The following SMIM24 variants were observed in gnomAD, a reference collection of about 807,000 sequenced individuals.
The protein encoded by SMIM24 is small integral membrane protein 24, also known as MAP17-related dimer.
A neutral mutation model predicts 10.8 loss-of-function variants in SMIM24; 6 were observed. That is an observed-to-expected ratio of 0.55 (90% CI 0.30 to 1.09). SMIM24 has a LOEUF of 1.09. Among genes scored for constraint, SMIM24 ranks in the 50% least tolerant of loss-of-function variants. The pLI, the probability that SMIM24 is intolerant of heterozygous loss-of-function variation, is 0.06. For missense variants in SMIM24, 151 were observed against 153.4 expected (o/e 0.98, Z 0.08); for synonymous variants, 71 against 62.4 (o/e 1.14, Z -0.65).
In SMIM24 at chr19:3,474,621, A is replaced by G; in HGVS notation, c.*222T>C. The G allele has an allele frequency of 1.8e-6, 1 of 553,794 alleles. No homozygotes were observed. The highest frequency in any genetic ancestry group is 2.9e-5 in the East Asian group (1 of 34,178). 34.3% of individuals were successfully genotyped at this position (553,794 alleles called of 1,614,324 possible). On this transcript the variant is annotated 3_prime_UTR_variant, in exon 4 of 4. Transcript: ENST00000215531. ...CTCTCCGAGTATAAGAAGAATCACC[A>G]GGCAGGGACCAAGCTCAGGAAGAGG...
At chr19:3,476,732 C>T (rs1428022260) in intron 3 of SMIM24, among the ~76,000 whole-genome samples, 1 of 151,428 alleles carries the variant, frequency 6.6e-6, no homozygotes, top group African/African-American at 2.4e-5. Context: ...GACAGAGCCC[C>T]CAGCCCTGGA....
rs368622373 is a variant in SMIM24, at chr19:3,477,582, ATGGATGGGTGAGTGGG to A, written c.239+821_239+836del. 8.1e-3 allele frequency among the ~76,000 whole-genome samples: 915 copies of A among 113,604 alleles called. 13 individuals are homozygous for A. The highest frequency in any genetic ancestry group is 0.029 in the African/African-American group (822 of 28,508). 74.5% of individuals were successfully genotyped at this position (113,604 alleles called of 152,430 possible). The stretch of plus-strand genomic sequence containing the variant: ...GGATGGGTGAGTGGGTGAATGGGTG[ATGGATGGGTGAGTGGG>A]TGGATGGGTGAGTGGGTGGATAGGT... On this transcript the variant is annotated intron_variant, in intron 3 of 3. Coordinates refer to ENST00000215531, the MANE Select transcript of SMIM24 (RefSeq NM_001136503.2).
intron 3 of SMIM24, among the ~76,000 whole-genome samples, chr19:3,476,322 A>C (rs1470095532): frequency 6.6e-6 from 1 of 151,874 alleles, no homozygotes; most frequent in Non-Finnish European, 1.5e-5. Flanking sequence ...TGAAGACTGC[A>C]TAGTTCGATG....
At chr19:3,477,277 T>C (rs2082796943) in intron 3 of SMIM24, among the ~76,000 whole-genome samples, 1 of 107,204 alleles carries the variant, frequency 9.3e-6, no homozygotes, top group Non-Finnish European at 1.8e-5. Context: ...AGTGGATGGA[T>C]GGATGGATGG....
intron 1 of SMIM24, among the ~76,000 whole-genome samples, chr19:3,479,699 G>C (rs1412482576): frequency 4.9e-5 from 7 of 142,860 alleles, no homozygotes; most frequent in Non-Finnish European, 7.6e-5. Context: ...CTCAGATGGG[G>C]AGGGGCTTGT....
chr19:3,475,470 G>A (rs1568214950), intron 3 of SMIM24, among the ~76,000 whole-genome samples: 1 of 150,956 alleles, frequency 6.6e-6, no homozygotes, highest in East Asian at 2.0e-4. Flanking sequence ...GATGATGGAT[G>A]GGGGTATGGA....
chr19:3,479,148 C>T, intron 1 of SMIM24: 1 of 422,602 alleles, frequency 2.4e-6, no homozygotes, highest in Non-Finnish European at 4.2e-6. Context: ...AGCCTGGGGG[C>T]CCAGAGAGGG....
intron 3 of SMIM24, 120 bp downstream of exon 3, chr19:3,478,299 G>A (rs2082801752): frequency 1.0e-6 from 1 of 955,252 alleles, no homozygotes; most frequent in East Asian, 3.0e-5. Flanking sequence ...CAGGAAAGGT[G>A]AAGATCCCAG....
chr19:3,480,384 CCCCTGCACCTA>C lies in SMIM24; in HGVS notation c.67+2_67+12del. ...CTATCCCGCGACGCCCCCTCCCGCC[CCCCTGCACCTA>C]CCCTGCTGGGCCTCCACCGGGGAGA... is the stretch of plus-strand genomic sequence containing the variant. On this transcript the variant is annotated splice_donor_variant and splice_donor_5th_base_variant and intron_variant, in intron 1 of 3. Coordinates refer to ENST00000215531, the MANE Select transcript of SMIM24 (RefSeq NM_001136503.2). LOFTEE classifies it high-confidence loss of function. 6.5e-7 allele frequency: 1 copy of C among 1,545,064 alleles called. No homozygotes were observed. The highest frequency in any genetic ancestry group is 8.7e-7 in the Non-Finnish European group (1 of 1,143,632).
chr19:3,478,809 G>A lies in SMIM24; in HGVS notation c.179+9C>T. 4.5e-6 allele frequency: 7 copies of A among 1,538,576 alleles called. No homozygotes were observed. The highest frequency in any genetic ancestry group is 6.2e-6 in the Non-Finnish European group (7 of 1,138,142). On this transcript the variant is annotated intron_variant, in intron 2 of 3. Coordinates refer to ENST00000215531, the MANE Select transcript of SMIM24 (RefSeq NM_001136503.2). ...CTGTGGGGGCAGCGGGGTGGGGGCGGGCACCCACCTGGCCTTGGAACACCA... is the reference window on the plus strand; with the variant it reads ...CTGTGGGGGCAGCGGGGTGGGGGCGAGCACCCACCTGGCCTTGGAACACCA...
rs1049164516 is a variant in SMIM24 at position 3,480,378 on chromosome 19, C to T, written c.67+19G>A. ...ACTCCCCTATCCCGCGACGCCCCCTCCCGCCCCCCTGCACCTACCCTGCTG... is the reference window on the plus strand; with the variant it reads ...ACTCCCCTATCCCGCGACGCCCCCTTCCGCCCCCCTGCACCTACCCTGCTG... On this transcript the variant is annotated intron_variant, in intron 1 of 3. Coordinates refer to ENST00000215531, the MANE Select transcript of SMIM24 (RefSeq NM_001136503.2). 2.0e-6 allele frequency: 3 copies of T among 1,516,666 alleles called. No individual in the cohort carries two copies. The Admixed American group carries it at 6.7e-5, about 34-fold the overall frequency. 94.0% of individuals were successfully genotyped at this position (1,516,666 alleles called of 1,614,324 possible).
At chr19:3,479,207 T>G in intron 1 of SMIM24, 1 of 284,354 alleles carries the variant, frequency 3.5e-6, no homozygotes, top group Non-Finnish European at 6.3e-6. Flanking sequence ...AGTTTACAAA[T>G]CAGGAGGGCT....
At chr19:3,477,488 G>T (rs111164818) in intron 3 of SMIM24, among the ~76,000 whole-genome samples, 2,363 of 148,650 alleles carry the variant, frequency 0.016, 68 homozygotes, top group African/African-American at 0.055. Flanking sequence ...GATGATGGAT[G>T]GATGGATGAT....
In SMIM24 at chr19:3,475,061, C is replaced by A. The variant is rs751464931; in HGVS notation, c.240-65G>T. 1.5e-5 allele frequency: 23 copies of A among 1,501,890 alleles called. 1 individual carries two copies. The Admixed American group carries it at 4.5e-4, about 29-fold the overall frequency. 93.0% of individuals were successfully genotyped at this position (1,501,890 alleles called of 1,614,324 possible). ...GAGACACTCCTATTTAATGGCCACT[C>A]ACTTGAGCCAGCCCATGTGATGAGT... On this transcript the variant is annotated intron_variant, in intron 3 of 3. Transcript: ENST00000215531.
At position 3,478,413 on chromosome 19, in the gene SMIM24, T is replaced by C; in HGVS notation, c.239+6A>G. The C allele has an allele frequency of 6.5e-7, 1 of 1,548,258 alleles. No homozygotes were observed. The highest frequency in any genetic ancestry group is 8.7e-7 in the Non-Finnish European group (1 of 1,145,804). On this transcript the variant is annotated splice_donor_region_variant and intron_variant, in intron 3 of 3. Transcript: ENST00000215531. The stretch of plus-strand genomic sequence containing the variant: ...CACAGACCCCCAGCATCCGCACGCA[T>C]AGTACCTCTGGTCCTGGTATAGGTT...
chr19:3,480,371 G>A, intron 1 of SMIM24, 26 bp downstream of exon 1: 1 of 1,370,114 alleles, frequency 7.3e-7, no homozygotes, highest in Non-Finnish European at 9.8e-7. Context: ...ATCCCGCGAC[G>A]CCCCCTCCCG....
chr19:3,476,087 G>T (rs2082791063), intron 3 of SMIM24, among the ~76,000 whole-genome samples: 1 of 152,050 alleles, frequency 6.6e-6, no homozygotes, highest in African/African-American at 2.4e-5. Flanking sequence ...ATAGATCAAT[G>T]AATGAATGTA....
At position 3,474,744 on chromosome 19, in the gene SMIM24, A is replaced by C; in HGVS notation, c.*99T>G. ...TTGAGAACACTGTATTCTGAATCCC[A>C]GATGGAGTCATTTCACGGGCTTCAA... On this transcript the variant is annotated 3_prime_UTR_variant, in exon 4 of 4. Coordinates refer to ENST00000215531, the MANE Select transcript of SMIM24 (RefSeq NM_001136503.2). 2 of 1,397,250 alleles carry C rather than the reference A, an allele frequency of 1.4e-6. No individual in the cohort carries two copies. Among genetic ancestry groups the C allele is most frequent in the Non-Finnish European group, 1.9e-6 (2 of 1,050,044 alleles). 86.6% of individuals were successfully genotyped at this position (1,397,250 alleles called of 1,614,324 possible).
intron 1 of SMIM24, among the ~76,000 whole-genome samples, chr19:3,480,118 G>T (rs2082811950): frequency 4.0e-5 from 6 of 151,626 alleles, no homozygotes; most frequent in Admixed American, 3.9e-4. Flanking sequence ...CGAGCTCAGA[G>T]TGGGGCCGAG....
Sources: gnomAD v4.1 joint callset for allele counts (sites outside exome capture counted in the v4.1 genomes callset) on GRCh38, gnomAD v4.1.1 for gene constraint, MANE v1.5 for transcripts, NCBI Gene and HGNC (gene_info 2026-07-23, HGNC 2026-07-21) for gene names.